Variants in COL26A1 observed in about 807,000 individuals in gnomAD.
The protein encoded by COL26A1 is collagen type XXVI alpha 1 chain.
COL26A1 carries 41 observed loss-of-function variants against 59.3 expected under a neutral mutation model. The ratio of observed to expected loss-of-function variants is 0.69; its 90% CI spans 0.54 to 0.90. COL26A1 has a LOEUF of 0.90. Ranked by LOEUF, COL26A1 falls within the 40% of genes least tolerant of loss-of-function variation. The pLI is 0.00. For missense variants in COL26A1, 612 were observed against 602.3 expected, an observed-to-expected ratio of 1.02 and a Z score of -0.17; for synonymous variants, 266 against 256.0, an observed-to-expected ratio of 1.04 and a Z score of -0.37.
At chr7:101,551,086 C>G in intron 9 of COL26A1, 22 bp from the exon 10 acceptor site, 1 of 1,553,072 alleles carries the variant, frequency 6.4e-7, no homozygotes, top group Non-Finnish European at 8.7e-7. Flanking sequence ...AGGCCTCACA[C>G]GCTTCCTTTG....
At chr7:101,402,896 A>C (rs549261464) in intron 1 of COL26A1, among the ~76,000 whole-genome samples, 7 of 150,126 alleles carry the variant, frequency 4.7e-5, no homozygotes, top group African/African-American at 1.7e-4. Context: ...CCCAAGCTAG[A>C]GTGTGGTGGT....
chr7:101,368,364 G>A (rs1273860630), intron 1 of COL26A1, among the ~76,000 whole-genome samples: 2 of 152,288 alleles, frequency 1.3e-5, no homozygotes, highest in South Asian at 4.1e-4. Context: ...TTAGCCAGGA[G>A]GGTTCTTGGC....
intron 1 of COL26A1, among the ~76,000 whole-genome samples, chr7:101,366,941 C>G (rs1482832839): frequency 6.6e-6 from 1 of 152,124 alleles, no homozygotes; most frequent in Non-Finnish European, 1.5e-5. Flanking sequence ...ACGCTGTTGA[C>G]TTGTTGAAGA....
At chr7:101,488,369 T>C (rs1216608918) in intron 3 of COL26A1, among the ~76,000 whole-genome samples, 2 of 117,428 alleles carry the variant, frequency 1.7e-5, no homozygotes, top group East Asian at 4.2e-4. Context: ...TATATATATA[T>C]ATATATATAC....
At chr7:101,507,662 T>G (rs1794840256) in intron 3 of COL26A1, among the ~76,000 whole-genome samples, 1 of 152,054 alleles carries the variant, frequency 6.6e-6, no homozygotes, top group Non-Finnish European at 1.5e-5. Flanking sequence ...TAAGTGATCC[T>G]CCCTCCTCCA....
chr7:101,557,270 T>C (rs1329285723), intron 12 of COL26A1, 100 bp from the exon 13 acceptor site: 4 of 1,259,600 alleles, frequency 3.2e-6, no homozygotes, highest in Middle Eastern at 1.9e-4. Flanking sequence ...TTCTCCACGC[T>C]GGGCAAGAGC....
At chr7:101,469,497 T>C (rs560939217) in intron 3 of COL26A1, among the ~76,000 whole-genome samples, 19 of 53,514 alleles carry the variant, frequency 3.6e-4, no homozygotes, top group Admixed American at 1.6e-3. Flanking sequence ...ATTTCTCTCT[T>C]TTTTTTTTTT....
At chr7:101,387,778 A>ATATATATTTTT (rs773025730) in intron 1 of COL26A1, among the ~76,000 whole-genome samples, 19 of 84,800 alleles carry the variant, frequency 2.2e-4, no homozygotes, top group African/African-American at 8.9e-4. Context: ...ATATATATAT[A>ATATATATTTTT]TTTTTTTTTA....
intron 3 of COL26A1, among the ~76,000 whole-genome samples, chr7:101,504,565 T>TG (rs957224577): frequency 6.6e-6 from 1 of 152,224 alleles, no homozygotes; most frequent in Non-Finnish European, 1.5e-5. Flanking sequence ...ACCCCAAAGT[T>TG]GCTGTTGACA....
At chr7:101,440,320 C>T (rs1334914560) in intron 2 of COL26A1, among the ~76,000 whole-genome samples, 1 of 152,040 alleles carries the variant, frequency 6.6e-6, no homozygotes, top group Non-Finnish European at 1.5e-5. Flanking sequence ...GAGCTGAGAT[C>T]GCGTCACTAC....
chr7:101,514,554 C>T (rs1794989586), intron 3 of COL26A1, among the ~76,000 whole-genome samples: 1 of 152,006 alleles, frequency 6.6e-6, no homozygotes, highest in Non-Finnish European at 1.5e-5. Context: ...TGGGGCTGGC[C>T]GGAGAGCAGG....
intron 3 of COL26A1, among the ~76,000 whole-genome samples, chr7:101,456,655 C>G (rs1026778666): frequency 6.6e-6 from 1 of 151,798 alleles, no homozygotes; most frequent in Non-Finnish European, 1.5e-5. Flanking sequence ...AAGAGCAAAA[C>G]TCCATCTCAA....
intron 1 of COL26A1, among the ~76,000 whole-genome samples, chr7:101,383,794 C>CA (rs1394514489): frequency 1.3e-5 from 2 of 152,106 alleles, no homozygotes; most frequent in African/African-American, 4.8e-5. Flanking sequence ...CTCGGCCTCC[C>CA]AAAGTGCTGG....
intron 1 of COL26A1, among the ~76,000 whole-genome samples, chr7:101,372,994 T>TG (rs1035076149): frequency 2.6e-4 from 39 of 152,242 alleles, no homozygotes; most frequent in African/African-American, 8.7e-4. Flanking sequence ...GAGCAGACCA[T>TG]GGGCTTGGGC....
At chr7:101,517,507 T>A (rs56192918) in intron 3 of COL26A1, among the ~76,000 whole-genome samples, 42,238 of 152,114 alleles carry the variant, frequency 0.28, 6,111 homozygotes, top group African/African-American at 0.33. Context: ...GAGCTTGTGC[T>A]GGGTGCAGGG....
chr7:101,373,901 A>T (rs538802293), intron 1 of COL26A1, among the ~76,000 whole-genome samples: 1 of 152,222 alleles, frequency 6.6e-6, no homozygotes, highest in African/African-American at 2.4e-5. Context: ...AACAATTCCT[A>T]TGGCAATAAG....
In COL26A1 at chr7:101,447,728, C is replaced by T. The variant is rs372441035; in HGVS notation, c.326C>T (p.Thr109Met). 36 of 1,606,852 alleles carry T rather than the reference C, an allele frequency of 2.2e-5. No individual in the cohort carries two copies. The highest frequency in any genetic ancestry group is 1.7e-4 in the African/African-American group (13 of 74,950). The change falls in exon 3 of 13, where the codon ACG (threonine) becomes ATG (methionine). Residue 109 changes from threonine to methionine, a missense_variant. Coordinates refer to ENST00000313669, the MANE Select transcript of COL26A1 (RefSeq NM_001278563.3). The part of the protein sequence containing the change: ...IRPTYRVSYR[T>M]VTVLEWRCCP... Reference sequence around the variant, plus strand: ...CCCACCTACAGAGTGTCCTACCGCACGGTGACGGTGCTGGAGTGGAGATGC... The same window carrying T: ...CCCACCTACAGAGTGTCCTACCGCATGGTGACGGTGCTGGAGTGGAGATGC...
At chr7:101,492,696 CAAAAAATAAATAAATA>C (rs1407702310) in intron 3 of COL26A1, among the ~76,000 whole-genome samples, 5 of 133,910 alleles carry the variant, frequency 3.7e-5, no homozygotes, top group African/African-American at 2.8e-5. Flanking sequence ...GACTCTGTCT[CAAAAAATAAATAAATA>C]AATAAATAAA....
chr7:101,465,031 T>C (rs1793723468), intron 3 of COL26A1, among the ~76,000 whole-genome samples: 1 of 140,042 alleles, frequency 7.1e-6, no homozygotes, highest in Admixed American at 7.4e-5. Context: ...TAATTCTTTC[T>C]TTCTTTTTTT....
Sources: gnomAD v4.1 joint callset for allele counts (sites outside exome capture counted in the v4.1 genomes callset) on GRCh38, gnomAD v4.1.1 for gene constraint, MANE v1.5 for transcripts, NCBI Gene and HGNC (gene_info 2026-07-23, HGNC 2026-07-21) for gene names.